The following FAT3 variants were observed in gnomAD, a reference collection of about 807,000 sequenced individuals.
The protein encoded by FAT3 is protocadherin Fat 3.
A neutral mutation model predicts 310.2 loss-of-function variants in FAT3; 95 were observed. That is an observed-to-expected ratio of 0.31 (90% CI 0.26 to 0.36). The LOEUF (loss-of-function observed/expected upper bound fraction) is 0.36. Among genes scored for constraint, FAT3 ranks in the 10% least tolerant of loss-of-function variants. The probability of loss-of-function intolerance (pLI) is 1.00; values close to 1 mark genes in which losing one functional copy is unlikely to be tolerated. For missense variants in FAT3, 5,408 were observed against 5,715.6 expected, an observed-to-expected ratio of 0.95 and a Z score of 1.74; for synonymous variants, 2,314 against 2,192.9, an observed-to-expected ratio of 1.06 and a Z score of -1.54.
At chr11:92,342,480 A>C (rs772102341) in intron 1 of FAT3, among the ~76,000 whole-genome samples, 3 of 152,198 alleles carry the variant, frequency 2.0e-5, no homozygotes, top group Non-Finnish European at 4.4e-5. Context: ...GGGATGGCTA[A>C]AAAGATGTTA....
At chr11:92,461,055 T>C (rs1951627186) in intron 2 of FAT3, among the ~76,000 whole-genome samples, 2 of 152,230 alleles carry the variant, frequency 1.3e-5, no homozygotes, top group Non-Finnish European at 2.9e-5. Context: ...TAATACTGAC[T>C]TTGTCTTTAT....
chr11:92,541,047 A>T (rs1220168745), intron 3 of FAT3, among the ~76,000 whole-genome samples: 1 of 152,340 alleles, frequency 6.6e-6, no homozygotes, highest in Non-Finnish European at 1.5e-5. Flanking sequence ...ACAAGAAAAT[A>T]AGATTTACCC....
chr11:92,244,010 C>T (rs901118859), intron 1 of FAT3, among the ~76,000 whole-genome samples: 5 of 151,934 alleles, frequency 3.3e-5, no homozygotes, highest in African/African-American at 4.8e-5. Flanking sequence ...CTTATATGCA[C>T]GCCTGATTAG....
At chr11:92,868,261 A>G (rs753741072) in intron 22 of FAT3, among the ~76,000 whole-genome samples, 2 of 152,222 alleles carry the variant, frequency 1.3e-5, no homozygotes, top group Non-Finnish European at 2.9e-5. Context: ...AATGTTATAA[A>G]CTGTCCATGA....
intron 22 of FAT3, among the ~76,000 whole-genome samples, chr11:92,869,422 T>C (rs1380599624): frequency 1.3e-5 from 2 of 152,210 alleles, no homozygotes; most frequent in Non-Finnish European, 2.9e-5. Flanking sequence ...ATCCAAGAAA[T>C]CCAGGACTTC....
At chr11:92,339,023 A>G (rs1043728687) in intron 1 of FAT3, among the ~76,000 whole-genome samples, 1 of 152,216 alleles carries the variant, frequency 6.6e-6, no homozygotes, top group Non-Finnish European at 1.5e-5. Context: ...GAAGAGCTCT[A>G]TGCAGTGCCT....
chr11:92,354,865 C>G lies in FAT3; in HGVS notation c.2753C>G (p.Ser918Ter). Residue 918 changes from serine (S) to a stop codon, truncating the protein, a stop_gained, in exon 2 of 28, where the codon TCA becomes TGA. Transcript: ENST00000525166. LOFTEE classifies it high-confidence loss of function. ...DKAESGQQLF[S>*]VVTLKVFLDD... ...GCAGAGAGTGGTCAGCAGCTGTTTT[C>G]AGTTGTCACTCTTAAAGTTTTTTTA... is the stretch of plus-strand genomic sequence containing the variant. 6.2e-7 allele frequency: 1 copy of G among 1,613,896 alleles called. No individual in the cohort carries two copies. Among genetic ancestry groups the G allele is most frequent in the South Asian group, 1.1e-5 (1 of 91,074 alleles).
intron 4 of FAT3, among the ~76,000 whole-genome samples, chr11:92,706,058 G>A (rs1321181780): frequency 1.3e-5 from 2 of 151,482 alleles, no homozygotes; most frequent in African/African-American, 4.9e-5. Flanking sequence ...ATGGAGATGA[G>A]GGTGGTAGTG....
rs184238364 is a variant in FAT3, at chr11:92,318,013, T to C, written c.-17-34083T>C. Among the ~76,000 whole-genome samples the C allele has an allele frequency of 3.9e-5, 6 of 152,326 alleles. No homozygotes were observed. The East Asian group carries it at 1.2e-3, about 29-fold the overall frequency. Reference sequence around the variant, plus strand: ...TTTCTTTAGCAGAAATCATATGTCTTCACTCTGAAATTATATGTCTTTACT... The same window carrying C: ...TTTCTTTAGCAGAAATCATATGTCTCCACTCTGAAATTATATGTCTTTACT... On this transcript the variant is annotated intron_variant, in intron 1 of 27. Transcript: ENST00000525166.
intron 1 of FAT3, among the ~76,000 whole-genome samples, chr11:92,343,798 T>A (rs1948337694): frequency 6.6e-6 from 1 of 152,184 alleles, no homozygotes; most frequent in South Asian, 2.1e-4. Flanking sequence ...ATTTGTACCC[T>A]ATGATATGGT....
intron 21 of FAT3, 94 bp from the exon 22 acceptor site, chr11:92,866,647 C>G: frequency 1.7e-6 from 2 of 1,145,992 alleles, no homozygotes; most frequent in Non-Finnish European, 2.4e-6. Flanking sequence ...TTCCAGCTTT[C>G]TTGTGAAGCC....
intron 2 of FAT3, among the ~76,000 whole-genome samples, chr11:92,370,477 G>A (rs776654930): frequency 1.3e-5 from 2 of 152,116 alleles, no homozygotes; most frequent in African/African-American, 4.8e-5. Flanking sequence ...ATCTCTCCCC[G>A]ATACTGGGTA....
chr11:92,563,739 TC>T (rs1489486312), intron 3 of FAT3, among the ~76,000 whole-genome samples: 2 of 152,032 alleles, frequency 1.3e-5, no homozygotes, highest in Non-Finnish European at 2.9e-5. Context: ...AATTCAACAT[TC>T]TTAAGGAAAA....
At chr11:92,856,441 G>T (rs1948981528) in intron 19 of FAT3, among the ~76,000 whole-genome samples, 1 of 152,176 alleles carries the variant, frequency 6.6e-6, no homozygotes, top group South Asian at 2.1e-4. Context: ...TTCCTTCAGT[G>T]GGTTCATATT....
intron 1 of FAT3, among the ~76,000 whole-genome samples, chr11:92,252,015 G>T (rs1865160415): frequency 6.6e-6 from 1 of 151,998 alleles, no homozygotes; most frequent in South Asian, 2.1e-4. Flanking sequence ...CCAACTTTTG[G>T]TTACTTTTAG....
intron 1 of FAT3, among the ~76,000 whole-genome samples, chr11:92,274,539 C>T (rs564638216): frequency 6.6e-6 from 1 of 151,934 alleles, no homozygotes; most frequent in African/African-American, 2.4e-5. Context: ...TCTGTAAATA[C>T]AATATGTCAA....
chr11:92,800,279 C>A lies in FAT3; in HGVS notation c.7266C>A (p.Asp2422Glu). Residue 2422 changes from aspartate (D) to glutamate (E), a missense_variant, in exon 10 of 28, where the codon GAC (aspartate) becomes GAA (glutamate). Transcript: ENST00000525166. ...FVTCVQASDA[D>E]SSDFDRLEYS... The stretch of plus-strand genomic sequence containing the variant: ...CCTGTGTACAAGCCTCTGATGCAGA[C>A]AGCTCTGATTTTGACCGGTTGGAAT... 6.2e-7 allele frequency: 1 copy of A among 1,613,932 alleles called. No homozygotes were observed. The highest frequency in any genetic ancestry group is 1.1e-5 in the South Asian group (1 of 91,078).
chr11:92,388,781 A>G (rs74638212), intron 2 of FAT3, among the ~76,000 whole-genome samples: 1 of 152,276 alleles, frequency 6.6e-6, no homozygotes, highest in Non-Finnish European at 1.5e-5. Context: ...TCAGAGCATA[A>G]CTGCCTGGAA....
chr11:92,622,689 G>T (rs947170537), intron 3 of FAT3, among the ~76,000 whole-genome samples: 2 of 152,150 alleles, frequency 1.3e-5, no homozygotes, highest in Non-Finnish European at 2.9e-5. Context: ...AGAAGTAGTG[G>T]AAAACCAGCT....
Sources: gnomAD v4.1 joint callset for allele counts (sites outside exome capture counted in the v4.1 genomes callset) on GRCh38, gnomAD v4.1.1 for gene constraint, MANE v1.5 for transcripts, NCBI Gene and HGNC (gene_info 2026-07-23, HGNC 2026-07-21) for gene names.